ATF7IP2: variants seen among roughly 807,000 people sequenced by gnomAD.
ATF7IP2 encodes activating transcription factor 7 interacting protein 2.
In ATF7IP2, 42 loss-of-function variants were observed where a neutral mutation model predicts 64.2. The observed-to-expected ratio is 0.65, with a 90% CI of 0.51 to 0.85. The LOEUF (loss-of-function observed/expected upper bound fraction) is 0.85. ATF7IP2 is among the 40% of genes least tolerant of loss of function. The pLI, the probability that ATF7IP2 is intolerant of heterozygous loss-of-function variation, is 0.00. For missense variants in ATF7IP2, 933 were observed against 784.2 expected, an observed-to-expected ratio of 1.19 and a Z score of -2.27; for synonymous variants, 308 against 272.8, an observed-to-expected ratio of 1.13 and a Z score of -1.27.
intron 8 of ATF7IP2, among the ~76,000 whole-genome samples, chr16:10,444,500 C>T (rs1266256130): frequency 2.0e-5 from 3 of 152,044 alleles, no homozygotes; most frequent in Admixed American, 1.3e-4. Context: ...TGCTAAGAGA[C>T]CTTGGGTCCT....
chr16:10,410,397 T>C (rs1324821929), intron 1 of ATF7IP2, among the ~76,000 whole-genome samples: 1 of 152,174 alleles, frequency 6.6e-6, no homozygotes, highest in African/African-American at 2.4e-5. Context: ...CCAGCTATTG[T>C]AAAAGTTGTT....
intron 6 of ATF7IP2, 37 bp downstream of exon 6, chr16:10,433,686 G>A (rs930352319): frequency 6.2e-7 from 1 of 1,603,654 alleles, no homozygotes; most frequent in Non-Finnish European, 8.5e-7. Flanking sequence ...TTTTACTTTT[G>A]ATTAGTAAAA....
intron 3 of ATF7IP2, among the ~76,000 whole-genome samples, chr16:10,426,364 A>G (rs1243018916): frequency 2.0e-5 from 3 of 152,222 alleles, no homozygotes; most frequent in Non-Finnish European, 2.9e-5. Context: ...TAGGCAAACT[A>G]TATAGTTAGA....
chr16:10,450,563 G>C (rs906954147), intron 8 of ATF7IP2, among the ~76,000 whole-genome samples: 1 of 152,002 alleles, frequency 6.6e-6, no homozygotes, highest in Non-Finnish European at 1.5e-5. Context: ...TTACCATTAG[G>C]TAATGCCTTT....
At chr16:10,413,789 T>C (rs1405423505) in intron 1 of ATF7IP2, among the ~76,000 whole-genome samples, 1 of 152,220 alleles carries the variant, frequency 6.6e-6, no homozygotes, top group African/African-American at 2.4e-5. Context: ...CCTTAATTTA[T>C]GAAGCTTAGT....
intron 9 of ATF7IP2, among the ~76,000 whole-genome samples, chr16:10,467,559 G>A (rs1457340327): frequency 6.6e-6 from 1 of 151,308 alleles, no homozygotes; most frequent in African/African-American, 2.4e-5. Context: ...GGGTAAAAGT[G>A]GATAGAAAAA....
chr16:10,480,466 A>T (rs186408665), intron 12 of ATF7IP2, among the ~76,000 whole-genome samples: 2 of 151,902 alleles, frequency 1.3e-5, no homozygotes, highest in Non-Finnish European at 2.9e-5. Flanking sequence ...CACAGACCTC[A>T]TTAGTTGAGA....
intron 9 of ATF7IP2, among the ~76,000 whole-genome samples, chr16:10,464,550 T>C (rs982352741): frequency 1.3e-5 from 2 of 152,158 alleles, no homozygotes; most frequent in Non-Finnish European, 2.9e-5. Context: ...TGACAAAAAT[T>C]AAACTTGCTT....
chr16:10,468,030 C>A (rs2049645835), intron 9 of ATF7IP2, among the ~76,000 whole-genome samples: 1 of 151,720 alleles, frequency 6.6e-6, no homozygotes, highest in South Asian at 2.1e-4. Context: ...AAGGCACGTG[C>A]CACCATGCCC....
At chr16:10,468,814 CT>C (rs1465757207) in intron 9 of ATF7IP2, among the ~76,000 whole-genome samples, 2 of 152,154 alleles carry the variant, frequency 1.3e-5, no homozygotes, top group Non-Finnish European at 2.9e-5. Flanking sequence ...TGTTTTCCCC[CT>C]GGCTAGAAGA....
At chr16:10,419,975 T>C (rs1490128936) in intron 3 of ATF7IP2, among the ~76,000 whole-genome samples, 1 of 152,246 alleles carries the variant, frequency 6.6e-6, no homozygotes, top group African/African-American at 2.4e-5. Context: ...GCTCAAAAAA[T>C]GTAAAGTCAG....
At chr16:10,432,836 C>T (rs1003410093) in intron 5 of ATF7IP2, among the ~76,000 whole-genome samples, 1 of 152,054 alleles carries the variant, frequency 6.6e-6, no homozygotes, top group Non-Finnish European at 1.5e-5. Context: ...CAAGATCGTG[C>T]CACTTCACTC....
intron 8 of ATF7IP2, among the ~76,000 whole-genome samples, chr16:10,441,735 T>A (rs184892683): frequency 6.6e-6 from 1 of 152,320 alleles, no homozygotes; most frequent in Admixed American, 6.5e-5. Context: ...CTGCGCAGAA[T>A]CTCTTTAGTT....
At chr16:10,412,609 T>G (rs1027469323) in intron 1 of ATF7IP2, among the ~76,000 whole-genome samples, 2 of 152,218 alleles carry the variant, frequency 1.3e-5, no homozygotes, top group African/African-American at 2.4e-5. Context: ...TGATCTACCT[T>G]GGAGAAAGTT....
At chr16:10,478,492 C>A (rs1308234160) in intron 12 of ATF7IP2, among the ~76,000 whole-genome samples, 3 of 152,138 alleles carry the variant, frequency 2.0e-5, no homozygotes, top group Non-Finnish European at 4.4e-5. Context: ...ACACCTTATA[C>A]AAAAATTTAT....
chr16:10,469,227 T>C (rs906328303), intron 9 of ATF7IP2, among the ~76,000 whole-genome samples: 2 of 151,910 alleles, frequency 1.3e-5, no homozygotes, highest in African/African-American at 4.8e-5. Flanking sequence ...CTATTGCCAA[T>C]ATATCAGTGA....
chr16:10,428,833 AAATTCACCATATATTT>A lies in ATF7IP2; in HGVS notation c.-159-33_-159-18del, dbSNP rs2141864868. Reference sequence around the variant, plus strand: ...AAAATAACATAGCACATTCAATTATAAATTCACCATATATTTATTTTCTTTTTTTGATAGGAATCCT... The same window carrying A: ...AAAATAACATAGCACATTCAATTATAATTTTCTTTTTTTGATAGGAATCCT... On this transcript the variant is annotated intron_variant, in intron 3 of 13. Coordinates refer to ENST00000562102, the MANE Select transcript of ATF7IP2 (RefSeq NM_001393719.1). 1 of 152,276 alleles carries A rather than the reference AAATTCACCATATATTT, an allele frequency of 6.6e-6. No homozygotes were observed. The highest frequency in any genetic ancestry group is 1.5e-5 in the Non-Finnish European group (1 of 68,018). 9.4% of individuals were successfully genotyped at this position (152,276 alleles called of 1,614,324 possible). A position where few individuals can be genotyped will look rare whatever the true frequency, so the allele number is the denominator to read the frequency against.
chr16:10,445,839 C>T (rs2048785702), intron 8 of ATF7IP2: 1 of 152,186 alleles, frequency 6.6e-6, no homozygotes, highest in Non-Finnish European at 1.5e-5. Context: ...GTGATTAACT[C>T]TTTGTGAACT....
chr16:10,424,696 T>C (rs1421417321), intron 3 of ATF7IP2, among the ~76,000 whole-genome samples: 2 of 152,260 alleles, frequency 1.3e-5, no homozygotes, highest in South Asian at 4.1e-4. Flanking sequence ...TAGACATTTA[T>C]CCAAAGAAGA....
Sources: allele counts gnomAD v4.1 joint callset (sites outside exome capture counted in the v4.1 genomes callset), GRCh38; gene constraint gnomAD v4.1.1; transcripts MANE v1.5; gene names NCBI Gene and HGNC (gene_info 2026-07-23, HGNC 2026-07-21).